USP4: variants seen among roughly 807,000 people sequenced by gnomAD.
USP4 encodes the protein ubiquitin carboxyl-terminal hydrolase 4.
A neutral mutation model predicts 118.2 loss-of-function variants in USP4; 72 were observed. That is an observed-to-expected ratio of 0.61 (90% confidence interval 0.50 to 0.74). The LOEUF (loss-of-function observed/expected upper bound fraction) is 0.74, where lower values mean the gene tolerates loss of function less well. USP4 is among the 30% of genes least tolerant of loss of function. The pLI, the probability that USP4 is intolerant of heterozygous loss-of-function variation, is 0.00. For missense variants in USP4, 1,037 were observed against 1,185.7 expected, an observed-to-expected ratio of 0.87 and a Z score of 1.84; for synonymous variants, 415 against 440.4, an observed-to-expected ratio of 0.94 and a Z score of 0.72.
In USP4 at chr3:49,328,563, G is replaced by C. The variant is rs553432731; in HGVS notation, c.230-747C>G. On this transcript the variant is annotated intron_variant, in intron 2 of 21. Coordinates refer to ENST00000265560, the MANE Select transcript of USP4 (RefSeq NM_003363.4). ...CTCAGCCATTCAAGTTTTATCATAA[G>C]ATTAAAGCAATTCAGGCCGGGCATG... Among the ~76,000 whole-genome samples, 3 of 152,030 alleles carry C rather than the reference G, an allele frequency of 2.0e-5. No homozygotes were observed. The South Asian group carries it at 6.2e-4, about 32-fold the overall frequency.
At chr3:49,294,628 A>G in intron 13 of USP4, 30 bp from the exon 14 acceptor site, 1 of 1,601,248 alleles carries the variant, frequency 6.2e-7, no homozygotes, top group Non-Finnish European at 8.5e-7. Flanking sequence ...GGGCACTTTT[A>G]GCAGTAGGTC....
chr3:49,325,222 A>G (rs1037715403), intron 4 of USP4, among the ~76,000 whole-genome samples, 183 bp from the exon 5 acceptor site: 8 of 152,138 alleles, frequency 5.3e-5, no homozygotes, highest in Non-Finnish European at 8.8e-5. Context: ...ATGCCTGGAA[A>G]GTATCCCTAT....
chr3:49,311,882 G>A, intron 6 of USP4: 1 of 1,202,600 alleles, frequency 8.3e-7, no homozygotes, highest in Non-Finnish European at 1.0e-6. Context: ...CCCTTTCAGT[G>A]TGAAAAACCA....
intron 7 of USP4, 72 bp from the exon 8 acceptor site, chr3:49,310,809 T>G: frequency 8.5e-7 from 1 of 1,180,274 alleles, no homozygotes; most frequent in Non-Finnish European, 1.3e-6. Context: ...TTTTTGAGGC[T>G]CCTATGGGGG....
At position 49,280,735 on chromosome 3, in the gene USP4, A is replaced by G. The variant is rs78884868; in HGVS notation, c.2644+9T>C. On this transcript the variant is annotated intron_variant, in intron 20 of 21. Coordinates refer to ENST00000265560, the MANE Select transcript of USP4 (RefSeq NM_003363.4). ...AACATCTCAGAAGGAAGCAGATGTCAATACTTACAGTGGCCAACCCCCATG... is the reference window on the plus strand; with the variant it reads ...AACATCTCAGAAGGAAGCAGATGTCGATACTTACAGTGGCCAACCCCCATG... The G allele has an allele frequency of 1.0e-3, 1,643 of 1,611,768 alleles. 23 individuals carry two copies. In the East Asian group the frequency reaches 0.032, roughly 32 times the overall value.
intron 1 of USP4, 29 bp downstream of exon 1, chr3:49,339,895 C>T (rs1395327932): frequency 1.3e-6 from 2 of 1,598,184 alleles, no homozygotes; most frequent in South Asian, 2.2e-5. Context: ...CCTGGTTCTG[C>T]ATAGAGGAAG....
chr3:49,288,030 C>T (rs2047116495), intron 15 of USP4, among the ~76,000 whole-genome samples: 1 of 152,188 alleles, frequency 6.6e-6, no homozygotes, highest in African/African-American at 2.4e-5. Context: ...AAAGAATCTA[C>T]ATACTTGATC....
chr3:49,335,588 A>G lies in USP4; in HGVS notation c.110T>C (p.Ile37Thr). The change falls in exon 2 of 22, where the codon ATT (isoleucine) becomes ACT (threonine). Residue 37 changes from isoleucine to threonine, a missense_variant. By Grantham distance (89) the Ile-to-Thr change is moderately conservative. This residue lies in a region of USP4 where 487 missense variants were observed against 534.1 expected (regional missense o/e 0.91). Coordinates refer to ENST00000265560, the MANE Select transcript of USP4 (RefSeq NM_003363.4). ...TLQRGAQWYLIDSRWFKQWKK... is the reference protein window; with the variant it reads ...TLQRGAQWYLTDSRWFKQWKK... ...CCACTGCTTGAACCACCGGCTGTCA[A>G]TAAGATACCTAGAGAGAGACAGAAA... 1 of 1,614,218 alleles carries G rather than the reference A, an allele frequency of 6.2e-7. No homozygotes were observed. The highest frequency in any genetic ancestry group is 8.5e-7 in the Non-Finnish European group (1 of 1,180,044).
chr3:49,292,541 C>A lies in USP4; in HGVS notation c.1941G>T (p.Gly647=). ...AGCTGTTCCTGGAGCCATTGCAGGC[C>A]CCTGGCTCCAAGGGTGAGCTGCCAA... ...DEFGSSPLEP[G]ACNGSRNSCE... is the part of the protein sequence containing the mutation. The change falls in exon 15 of 22, where the codon GGG becomes GGT. Residue 647 remains glycine (G), a synonymous_variant. Coordinates refer to ENST00000265560, the MANE Select transcript of USP4 (RefSeq NM_003363.4). 6.3e-7 allele frequency: 1 copy of A among 1,599,470 alleles called. No homozygotes were observed. Among genetic ancestry groups the A allele is most frequent in the Non-Finnish European group, 8.5e-7 (1 of 1,172,302 alleles).
chr3:49,306,711 C>G (rs539952306), intron 8 of USP4, among the ~76,000 whole-genome samples: 1 of 152,192 alleles, frequency 6.6e-6, no homozygotes, highest in African/African-American at 2.4e-5. Context: ...AAAAACTTGC[C>G]CATGAGAAGC....
intron 4 of USP4, 93 bp from the exon 5 acceptor site, chr3:49,325,132 G>T: frequency 6.7e-7 from 1 of 1,496,928 alleles, no homozygotes; most frequent in Non-Finnish European, 9.0e-7. Flanking sequence ...TTTCTTGTCA[G>T]ATGCTCACAG....
rs749808453 is a variant in USP4 at position 49,310,674 on chromosome 3, C to T, written c.900G>A (p.Gly300=). The part of the protein sequence containing the change: ...QEPPSSHIQP[G]LCGLGNLGNT... ...TTCCCAGGTTTCCAAGTCCACAGAG[C>T]CCAGGTTGTATATGAGAGGATGGTG... Residue 300 remains glycine, a synonymous_variant, in exon 8 of 22, where the codon GGG becomes GGA. Transcript: ENST00000265560. 6.2e-7 allele frequency: 1 copy of T among 1,614,130 alleles called. No homozygotes were observed. The highest frequency in any genetic ancestry group is 1.1e-5 in the South Asian group (1 of 91,080).
intron 9 of USP4, among the ~76,000 whole-genome samples, chr3:49,303,284 T>C (rs966606325): frequency 6.6e-6 from 1 of 151,424 alleles, no homozygotes; most frequent in African/African-American, 2.4e-5. Flanking sequence ...CTACTAAAAA[T>C]ACAAAAATTA....
At chr3:49,325,251 G>A (rs370882188) in intron 4 of USP4, among the ~76,000 whole-genome samples, 1 of 152,016 alleles carries the variant, frequency 6.6e-6, no homozygotes, top group Non-Finnish European at 1.5e-5. Context: ...GCTAACGTGT[G>A]TCTCTCATTT....
chr3:49,295,701 T>TGCGCGCGCGCGCGCGC (rs754642053), intron 13 of USP4, among the ~76,000 whole-genome samples: 17 of 146,142 alleles, frequency 1.2e-4, no homozygotes, highest in East Asian at 6.0e-4. Context: ...TATGCACGTG[T>TGCGCGCGCGCGCGCGC]GCGCGCGCGC....
intron 6 of USP4, chr3:49,318,474 T>C (rs2047464827): frequency 2.0e-5 from 20 of 985,196 alleles, no homozygotes; most frequent in Non-Finnish European, 2.3e-5. Context: ...GAGAAACAGA[T>C]GGAAAGAGAC....
At chr3:49,283,205 G>A (rs921189870) in intron 19 of USP4, among the ~76,000 whole-genome samples, 7 of 150,230 alleles carry the variant, frequency 4.7e-5, no homozygotes, top group South Asian at 2.1e-4. Flanking sequence ...TAGTAGAGAT[G>A]GGGTTTCACC....
At chr3:49,322,925 C>T (rs2047517351) in intron 6 of USP4, among the ~76,000 whole-genome samples, 1 of 151,274 alleles carries the variant, frequency 6.6e-6, no homozygotes, top group South Asian at 2.1e-4. Context: ...AATCTCTTCT[C>T]TCACTGTATG....
At chr3:49,330,600 G>T (rs573934667) in intron 2 of USP4, among the ~76,000 whole-genome samples, 1 of 151,834 alleles carries the variant, frequency 6.6e-6, no homozygotes, top group African/African-American at 2.4e-5. Flanking sequence ...CAAAGTGCTG[G>T]GATAACAGGC....
Sources: gnomAD v4.1 joint callset for allele counts (sites outside exome capture counted in the v4.1 genomes callset) on GRCh38, gnomAD v4.1.1 for gene constraint, gnomAD v4.1.1 regional missense constraint, MANE v1.5 for transcripts, NCBI Gene and HGNC (gene_info 2026-07-23, HGNC 2026-07-21) for gene names.